The following CDH6 variants were observed in gnomAD, a reference collection of about 807,000 sequenced individuals.
The protein encoded by CDH6 is cadherin-6.
A neutral mutation model predicts 78.0 loss-of-function variants in CDH6; 31 were observed. The ratio of observed to expected loss-of-function variants is 0.40; its 90% CI spans 0.30 to 0.54. CDH6 has a LOEUF of 0.54. Among genes scored for constraint, CDH6 ranks in the 20% least tolerant of loss-of-function variants. CDH6 has a pLI of 0.56. For synonymous variants in CDH6, 376 were observed against 368.8 expected, an observed-to-expected ratio of 1.02 and a Z score of -0.23; for missense variants, 724 against 975.9, an observed-to-expected ratio of 0.74 and a Z score of 3.44.
chr5:31,272,319 G>C (rs1037237366), intron 2 of CDH6, among the ~76,000 whole-genome samples: 2 of 152,116 alleles, frequency 1.3e-5, no homozygotes, highest in African/African-American at 2.4e-5. Flanking sequence ...TTCTTGTCAG[G>C]GGCTAAAGAA....
intron 11 of CDH6, chr5:31,318,271 G>A: frequency 1.8e-6 from 1 of 555,250 alleles, no homozygotes; most frequent in Non-Finnish European, 3.2e-6. Flanking sequence ...ACGTTGTTAA[G>A]TGTCTGGCAT....
chr5:31,310,542 G>T (rs913838708), intron 7 of CDH6, among the ~76,000 whole-genome samples: 1 of 152,098 alleles, frequency 6.6e-6, no homozygotes, highest in Non-Finnish European at 1.5e-5. Flanking sequence ...CTCTGTGTGG[G>T]GGCTCCAACC....
At chr5:31,219,937 GTTCCCCTCTTAATTTCCACAC>G (rs1214453582) in intron 1 of CDH6, among the ~76,000 whole-genome samples, 2 of 152,160 alleles carry the variant, frequency 1.3e-5, no homozygotes, top group Non-Finnish European at 2.9e-5. Flanking sequence ...TGAAAAAGTT[GTTCCCCTCTTAATTTCCACAC>G]ATATTGTATC....
At chr5:31,300,031 G>A (rs554906248) in intron 5 of CDH6, among the ~76,000 whole-genome samples, 3 of 152,184 alleles carry the variant, frequency 2.0e-5, no homozygotes, top group Non-Finnish European at 4.4e-5. Flanking sequence ...AGCTTTATAA[G>A]GGGAGGATTT....
intron 1 of CDH6, among the ~76,000 whole-genome samples, chr5:31,257,298 G>C (rs1347527992): frequency 2.0e-5 from 3 of 152,138 alleles, no homozygotes; most frequent in African/African-American, 7.2e-5. Context: ...GAGTAGCTGG[G>C]ACTACAGGTG....
chr5:31,234,562 C>T (rs540154533), intron 1 of CDH6, among the ~76,000 whole-genome samples: 8 of 152,310 alleles, frequency 5.3e-5, no homozygotes, highest in African/African-American at 1.9e-4. Flanking sequence ...CCCATCTCCA[C>T]CTCCACTCCA....
Position 31,219,029 on chromosome 5 carries a change from C to T in CDH6, c.-129+25143C>T, listed in dbSNP as rs111394699. ...TAAGGTGATTTTTGGATGAGATCAA[C>T]GCATTTTTAAATTGGTGGATTTTGA... is the stretch of plus-strand genomic sequence containing the variant. On this transcript the variant is annotated intron_variant, in intron 1 of 11. Coordinates refer to ENST00000265071, the MANE Select transcript of CDH6 (RefSeq NM_004932.4). 4.0e-3 allele frequency among the ~76,000 whole-genome samples: 603 copies of T among 152,260 alleles called. 8 individuals carry two copies. Among genetic ancestry groups the T allele is most frequent in the African/African-American group, 0.013 (558 of 41,546 alleles).
At position 31,323,171 on chromosome 5, in the gene CDH6, G is replaced by C; in HGVS notation, c.2236G>C (p.Val746Leu). ...TTACGCCTATGAAGGCACTGGCTCCGTGGCGGATTCCCTGAGCTCGCTGGA... is the reference window on the plus strand; with the variant it reads ...TTACGCCTATGAAGGCACTGGCTCCCTGGCGGATTCCCTGAGCTCGCTGGA... ...ATYAYEGTGS[V>L]ADSLSSLESV... Residue 746 changes from valine to leucine, a missense_variant, in exon 12 of 12, where the codon GTG becomes CTG. Around this residue, in one of 3 missense-constraint regions of CDH6, gnomAD observed 220 missense variants for 240.6 expected, o/e 0.91. Coordinates refer to ENST00000265071, the MANE Select transcript of CDH6 (RefSeq NM_004932.4). 1 of 1,614,164 alleles carries C rather than the reference G, an allele frequency of 6.2e-7. No individual in the cohort carries two copies. Among genetic ancestry groups the C allele is most frequent in the East Asian group, 2.2e-5 (1 of 44,880 alleles).
At position 31,325,692 on chromosome 5, in the gene CDH6, T is replaced by C. The variant is rs966926581; in HGVS notation, c.*2384T>C. The C allele has an allele frequency of 1.3e-5, 3 of 230,832 alleles. No homozygotes were observed. In the South Asian group the frequency reaches 5.4e-4, roughly 42 times the overall value. 14.3% of individuals were successfully genotyped at this position (230,832 alleles called of 1,614,324 possible). A position where few individuals can be genotyped will look rare whatever the true frequency, so the allele number is the denominator to read the frequency against. ...TAGTTCTATAGCAGAATATCTGAGA[T>C]GTAATTGGCAAGGTATTTTATCCCT... On this transcript the variant is annotated 3_prime_UTR_variant, in exon 12 of 12. Transcript: ENST00000265071.
At chr5:31,258,700 G>A (rs761678844) in intron 1 of CDH6, among the ~76,000 whole-genome samples, 5 of 152,146 alleles carry the variant, frequency 3.3e-5, no homozygotes, top group Non-Finnish European at 7.4e-5. Flanking sequence ...TTCCATGTGT[G>A]TAGAGCATTT....
intron 2 of CDH6, among the ~76,000 whole-genome samples, chr5:31,274,453 G>C (rs1200297186): frequency 6.6e-6 from 1 of 152,202 alleles, no homozygotes; most frequent in African/African-American, 2.4e-5. Flanking sequence ...ACCGATCCCA[G>C]ATCCTCCGGC....
intron 1 of CDH6, among the ~76,000 whole-genome samples, chr5:31,254,750 T>C (rs910553572): frequency 6.6e-6 from 1 of 152,246 alleles, no homozygotes; most frequent in African/African-American, 2.4e-5. Flanking sequence ...AAACTTATTT[T>C]TGATATTTTT....
chr5:31,286,940 A>T (rs979505387), intron 2 of CDH6, among the ~76,000 whole-genome samples: 9 of 152,264 alleles, frequency 5.9e-5, no homozygotes, highest in African/African-American at 2.2e-4. Flanking sequence ...ATAGTGGCAG[A>T]GGGTATGGCC....
At chr5:31,297,188 T>G in intron 3 of CDH6, 101 bp from the exon 4 acceptor site, 40 of 1,015,862 alleles carry the variant, frequency 3.9e-5, no homozygotes, top group Non-Finnish European at 6.0e-5. Context: ...TTCCTCAGCA[T>G]GATATTTCCA....
At chr5:31,234,399 C>CT (rs1741396674) in intron 1 of CDH6, among the ~76,000 whole-genome samples, 1 of 152,152 alleles carries the variant, frequency 6.6e-6, no homozygotes, top group African/African-American at 2.4e-5. Context: ...GAGTGTATGT[C>CT]TGCTAATTAA....
chr5:31,291,963 A>T (rs1433815146), intron 2 of CDH6, among the ~76,000 whole-genome samples: 5 of 152,158 alleles, frequency 3.3e-5, no homozygotes, highest in Non-Finnish European at 7.4e-5. Context: ...TCTTCCCCAA[A>T]CACCACGATT....
At position 31,302,202 on chromosome 5, in the gene CDH6, T is replaced by C. The variant is rs1367816000; in HGVS notation, c.903T>C (p.Ala301=). ...KASDADVGEN[A]EIEYSITDGE... is the part of the protein sequence containing the mutation. ...GCGACGCTGATGTGGGAGAAAATGC[T>C]GAAATTGAGTACAGCATCACAGACG... The change falls in exon 6 of 12, where the codon GCT becomes GCC. Residue 301 remains alanine, a synonymous_variant. Coordinates refer to ENST00000265071, the MANE Select transcript of CDH6 (RefSeq NM_004932.4). The C allele has an allele frequency of 6.2e-7, 1 of 1,614,060 alleles. No individual in the cohort carries two copies. Among genetic ancestry groups the C allele is most frequent in the Non-Finnish European group, 8.5e-7 (1 of 1,179,938 alleles).
intron 2 of CDH6, among the ~76,000 whole-genome samples, chr5:31,280,817 G>A (rs1482537684): frequency 6.6e-6 from 1 of 151,610 alleles, no homozygotes; most frequent in Non-Finnish European, 1.5e-5. Context: ...AGAAGAAAAA[G>A]GACAACAGAG....
At chr5:31,229,137 C>T (rs1741245168) in intron 1 of CDH6, among the ~76,000 whole-genome samples, 2 of 152,166 alleles carry the variant, frequency 1.3e-5, no homozygotes, top group Admixed American at 1.3e-4. Flanking sequence ...ATTTAATCTA[C>T]AACACAGCCC....
Sources: allele counts gnomAD v4.1 joint callset (sites outside exome capture counted in the v4.1 genomes callset), GRCh38; gene constraint gnomAD v4.1.1; regional missense constraint gnomAD v4.1.1; transcripts MANE v1.5; gene names NCBI Gene and HGNC (gene_info 2026-07-23, HGNC 2026-07-21).